The following GLIS3 variants were observed in gnomAD, a reference collection of about 807,000 sequenced individuals.
GLIS3 encodes GLIS family zinc finger 3.
Under a neutral mutation model 78.6 loss-of-function variants are expected in GLIS3, and 53 were observed. That is an observed-to-expected ratio of 0.67 (90% CI 0.54 to 0.85). The LOEUF is 0.85. GLIS3 is among the 40% of genes least tolerant of loss of function. The pLI is 0.00. For missense variants in GLIS3, 1,703 were observed against 1,231.1 expected (o/e 1.38, Z -5.74); for synonymous variants, 684 against 509.9 (o/e 1.34, Z -4.60).
chr9:3,838,141 A>T (rs543237725), intron 9 of GLIS3, among the ~76,000 whole-genome samples: 29 of 152,324 alleles, frequency 1.9e-4, no homozygotes, highest in African/African-American at 6.5e-4. Flanking sequence ...TATGTATTCC[A>T]TGAAGGCAGA....
intron 2 of GLIS3, among the ~76,000 whole-genome samples, chr9:4,327,197 T>C (rs1189885771): frequency 6.6e-6 from 1 of 151,650 alleles, no homozygotes. Context: ...CCAGGCAGAG[T>C]GAACAGCAGG....
At chr9:4,358,621 G>C in the GLIS3 span, among the ~76,000 whole-genome samples, 1 of 152,152 alleles carries the variant, frequency 6.6e-6, no homozygotes, top group African/African-American at 2.4e-5. Context: ...TATTTAGATG[G>C]GAGTTTTGCA....
the GLIS3 span, among the ~76,000 whole-genome samples, chr9:4,405,605 G>A: frequency 6.6e-6 from 1 of 151,986 alleles, no homozygotes; most frequent in African/African-American, 2.4e-5. Flanking sequence ...GTAAAGAAAA[G>A]CCCAAGACCC....
intron 2 of GLIS3, among the ~76,000 whole-genome samples, chr9:4,154,973 A>C (rs946625107): frequency 1.3e-5 from 2 of 152,220 alleles, no homozygotes; most frequent in African/African-American, 2.4e-5. Context: ...AGAATACTGA[A>C]CTACATGGGG....
intron 2 of GLIS3, among the ~76,000 whole-genome samples, chr9:4,156,086 G>C (rs1279890587): frequency 6.6e-6 from 1 of 151,740 alleles, no homozygotes; most frequent in African/African-American, 2.4e-5. Context: ...CCCAAGTCCA[G>C]CAATGGATTA....
chr9:4,247,492 G>A (rs1488037534), intron 2 of GLIS3, among the ~76,000 whole-genome samples: 3 of 151,958 alleles, frequency 2.0e-5, no homozygotes, highest in Admixed American at 6.6e-5. Context: ...TCAAATTTGC[G>A]CATATGTTCT....
At chr9:4,139,482 CT>C (rs1312989522) in intron 2 of GLIS3, among the ~76,000 whole-genome samples, 1 of 152,184 alleles carries the variant, frequency 6.6e-6, no homozygotes, top group Admixed American at 6.5e-5. Flanking sequence ...GTTGATATGT[CT>C]CTAAATTACT....
chr9:3,968,753 G>T (rs760005063), intron 4 of GLIS3, among the ~76,000 whole-genome samples: 1 of 152,122 alleles, frequency 6.6e-6, no homozygotes, highest in Non-Finnish European at 1.5e-5. Context: ...AACCACCATA[G>T]ATCAAGTAAT....
chr9:3,938,094 G>C (rs904669230), intron 4 of GLIS3, among the ~76,000 whole-genome samples: 98 of 152,262 alleles, frequency 6.4e-4, no homozygotes, highest in African/African-American at 2.3e-3. Flanking sequence ...AAATGTGTTA[G>C]AGAAAGCCTA....
chr9:3,946,846 G>A (rs1465189222), intron 4 of GLIS3, among the ~76,000 whole-genome samples: 1 of 152,060 alleles, frequency 6.6e-6, no homozygotes, highest in African/African-American at 2.4e-5. Context: ...GAGCTAATAT[G>A]CTGTCAAATA....
chr9:4,115,444 T>A (rs1831564289), intron 4 of GLIS3, among the ~76,000 whole-genome samples: 1 of 152,168 alleles, frequency 6.6e-6, no homozygotes, highest in African/African-American at 2.4e-5. Flanking sequence ...ATTTTAATTG[T>A]AACAGTTGTA....
intron 2 of GLIS3, among the ~76,000 whole-genome samples, chr9:4,172,867 G>C (rs934534435): frequency 6.6e-6 from 1 of 152,180 alleles, no homozygotes; most frequent in African/African-American, 2.4e-5. Context: ...CAGGCAGATG[G>C]AAATACTGCA....
intron 9 of GLIS3, chr9:3,855,749 T>C: frequency 2.1e-6 from 1 of 470,500 alleles, no homozygotes; most frequent in South Asian, 2.1e-5. Context: ...ATTGCTGGTG[T>C]TAGAGCCCTG....
intron 2 of GLIS3, among the ~76,000 whole-genome samples, chr9:4,156,435 C>G (rs2131062589): frequency 6.6e-6 from 1 of 152,292 alleles, no homozygotes; most frequent in South Asian, 2.1e-4. Context: ...CCAATACACA[C>G]TTAGCAGGTG....
intron 2 of GLIS3, among the ~76,000 whole-genome samples, chr9:4,268,871 G>A (rs938436028): frequency 1.4e-4 from 22 of 152,026 alleles, no homozygotes; most frequent in Admixed American, 1.3e-4. Flanking sequence ...CCTTCCTTTC[G>A]ATCCTCCAGC....
chr9:4,198,574 A>G (rs1475875020), intron 2 of GLIS3, among the ~76,000 whole-genome samples: 6 of 152,226 alleles, frequency 3.9e-5, no homozygotes, highest in Admixed American at 3.9e-4. Flanking sequence ...AAACTGACAG[A>G]TCTTACAAAT....
intron 2 of GLIS3, among the ~76,000 whole-genome samples, chr9:4,206,113 A>G (rs1819858700): frequency 6.6e-6 from 1 of 152,234 alleles, no homozygotes. Context: ...TTTTCAAATT[A>G]TGAAGGCAAA....
At chr9:3,834,043 A>G (rs143470885) in intron 9 of GLIS3, among the ~76,000 whole-genome samples, 18 of 152,350 alleles carry the variant, frequency 1.2e-4, no homozygotes, top group African/African-American at 4.1e-4. Flanking sequence ...ATGGCCAGCT[A>G]TATACCCACA....
intron 2 of GLIS3, among the ~76,000 whole-genome samples, chr9:4,177,307 G>T (rs10974365): frequency 0.41 from 62,871 of 151,920 alleles, 13,519 homozygotes; most frequent in Middle Eastern, 0.54. Flanking sequence ...TTATCTTTTT[G>T]TAAGGTGTAC....
Sources: allele counts gnomAD v4.1 joint callset (sites outside exome capture counted in the v4.1 genomes callset), GRCh38; gene constraint gnomAD v4.1.1; transcripts MANE v1.5; gene names NCBI Gene and HGNC (gene_info 2026-07-23, HGNC 2026-07-21).